Variants in SLC24A2 observed in about 807,000 individuals in gnomAD.
SLC24A2 encodes the protein solute carrier family 24 member 2, also known as sodium/potassium/calcium exchanger 2.
A neutral mutation model predicts 62.0 loss-of-function variants in SLC24A2; 36 were observed. The observed-to-expected ratio is 0.58, with a 90% CI of 0.44 to 0.77. SLC24A2 has a LOEUF of 0.77. Ranked by LOEUF, SLC24A2 falls within the 30% of genes least tolerant of loss-of-function variation. The pLI is 0.00. For missense variants in SLC24A2, 846 were observed against 817.9 expected, an observed-to-expected ratio of 1.03 and a Z score of -0.42; for synonymous variants, 358 against 294.0, an observed-to-expected ratio of 1.22 and a Z score of -2.23.
chr9:19,920,869 G>C, the SLC24A2 span, among the ~76,000 whole-genome samples: 1 of 152,104 alleles, frequency 6.6e-6, no homozygotes, highest in African/African-American at 2.4e-5. Flanking sequence ...ACAGTCTAAA[G>C]CCAACCTGGG....
intron 8 of SLC24A2, among the ~76,000 whole-genome samples, chr9:19,534,986 G>A (rs955469669): frequency 2.3e-4 from 35 of 152,182 alleles, no homozygotes; most frequent in Non-Finnish European, 2.5e-4. Flanking sequence ...CAGTGTAAAA[G>A]TGTTCCTATT....
At chr9:19,824,860 G>A in the SLC24A2 span, among the ~76,000 whole-genome samples, 1 of 152,170 alleles carries the variant, frequency 6.6e-6, no homozygotes, top group Non-Finnish European at 1.5e-5. Context: ...ATGAGTTCAT[G>A]TCCTTTGCAG....
At chr9:20,301,704 G>A in the SLC24A2 span, among the ~76,000 whole-genome samples, 2 of 151,528 alleles carry the variant, frequency 1.3e-5, no homozygotes, top group Admixed American at 1.3e-4. Context: ...TCCCCCACCA[G>A]CGTGGTACAT....
the SLC24A2 span, among the ~76,000 whole-genome samples, chr9:19,889,869 CG>C: frequency 6.6e-6 from 1 of 152,156 alleles, no homozygotes; most frequent in Admixed American, 6.5e-5. Context: ...TCATCAATAC[CG>C]GTTTTGAAAT....
In SLC24A2 at chr9:19,583,636, T is replaced by C. The variant is rs371961549; in HGVS notation, c.1130-6614A>G. Among the ~76,000 whole-genome samples, 24 of 152,276 alleles carry C rather than the reference T, an allele frequency of 1.6e-4. No individual in the cohort carries two copies. In the East Asian group the frequency reaches 3.3e-3, roughly 21 times the overall value. On this transcript the variant is annotated intron_variant, in intron 5 of 10. Transcript: ENST00000341998. The stretch of plus-strand genomic sequence containing the variant: ...GCCAATGACCCAGAGTAAATGTCTT[T>C]AGGACCTCCAAGCCCATGGCCCCAG...
At chr9:19,869,967 C>T in the SLC24A2 span, among the ~76,000 whole-genome samples, 1 of 152,142 alleles carries the variant, frequency 6.6e-6, no homozygotes, top group African/African-American at 2.4e-5. Flanking sequence ...AGTCTTTCTT[C>T]ATCTAGGGAT....
chr9:20,231,018 A>C, the SLC24A2 span, among the ~76,000 whole-genome samples: 3 of 152,164 alleles, frequency 2.0e-5, no homozygotes, highest in South Asian at 6.2e-4. Flanking sequence ...TGTTTTTGTC[A>C]GGTTTGTCAA....
chr9:19,641,476 A>G (rs1483660369), intron 2 of SLC24A2, among the ~76,000 whole-genome samples: 1 of 152,108 alleles, frequency 6.6e-6, no homozygotes, highest in Non-Finnish European at 1.5e-5. Flanking sequence ...AGATATTACA[A>G]AACATCTTCA....
the SLC24A2 span, among the ~76,000 whole-genome samples, chr9:19,911,445 C>T: frequency 6.6e-6 from 1 of 151,754 alleles, no homozygotes; most frequent in East Asian, 1.9e-4. Flanking sequence ...TAATGGGATG[C>T]CTGGGTCAAA....
the SLC24A2 span, among the ~76,000 whole-genome samples, chr9:20,215,644 T>C: frequency 6.6e-6 from 1 of 152,214 alleles, no homozygotes; most frequent in South Asian, 2.1e-4. Context: ...CCACTTTTCC[T>C]TTTTTCTTGT....
At chr9:19,912,663 G>A in the SLC24A2 span, among the ~76,000 whole-genome samples, 6 of 151,990 alleles carry the variant, frequency 3.9e-5, no homozygotes, top group Admixed American at 1.3e-4. Flanking sequence ...TTTTCACATC[G>A]TTTATAAAAT....
At chr9:19,578,797 A>G (rs1836115321) in intron 5 of SLC24A2, among the ~76,000 whole-genome samples, 1 of 152,148 alleles carries the variant, frequency 6.6e-6, no homozygotes, top group Admixed American at 6.5e-5. Context: ...AGTCAGACCA[A>G]TGGACTCCAA....
chr9:19,875,188 T>C, the SLC24A2 span, among the ~76,000 whole-genome samples: 1 of 152,176 alleles, frequency 6.6e-6, no homozygotes, highest in African/African-American at 2.4e-5. Context: ...GCTTTCCTTT[T>C]CTCTCTCAAA....
the SLC24A2 span, among the ~76,000 whole-genome samples, chr9:20,261,718 T>G: frequency 6.2e-5 from 9 of 146,070 alleles, no homozygotes; most frequent in African/African-American, 1.8e-4. Context: ...TGAAAATTTG[T>G]AGAAAACACC....
the SLC24A2 span, among the ~76,000 whole-genome samples, chr9:19,964,471 T>C: frequency 2.6e-5 from 4 of 152,246 alleles, no homozygotes; most frequent in Non-Finnish European, 4.4e-5. Flanking sequence ...AGTGCCACTA[T>C]GTGGTTTTGA....
the SLC24A2 span, among the ~76,000 whole-genome samples, chr9:19,934,427 C>A: frequency 6.6e-6 from 1 of 152,202 alleles, no homozygotes; most frequent in Admixed American, 6.5e-5. The surrounding 1 kb of genome is among the most constrained non-coding windows in gnomAD (Gnocchi z 4.1). Flanking sequence ...ATCCCGGACC[C>A]CCGCGCACCC....
chr9:20,274,436 G>A, the SLC24A2 span, among the ~76,000 whole-genome samples: 4 of 152,186 alleles, frequency 2.6e-5, no homozygotes, highest in African/African-American at 9.7e-5. Context: ...AAAGTGTCCT[G>A]ATCCAATTAA....
At chr9:19,884,240 T>C in the SLC24A2 span, among the ~76,000 whole-genome samples, 6 of 148,932 alleles carry the variant, frequency 4.0e-5, no homozygotes, top group East Asian at 6.3e-4. Flanking sequence ...AACTATACAA[T>C]TAATTTTTAA....
At chr9:19,661,895 C>T (rs375407176) in intron 2 of SLC24A2, among the ~76,000 whole-genome samples, 47 of 152,104 alleles carry the variant, frequency 3.1e-4, no homozygotes, top group African/African-American at 1.0e-3. Context: ...AAAACACATC[C>T]GAGAGCTTTT....
Sources: gnomAD v4.1 joint callset for allele counts (sites outside exome capture counted in the v4.1 genomes callset) on GRCh38, gnomAD v4.1.1 for gene constraint, Gnocchi (gnomAD v3.1) non-coding constraint, MANE v1.5 for transcripts, NCBI Gene and HGNC (gene_info 2026-07-23, HGNC 2026-07-21) for gene names.